Variants in ADAMTS9 observed in about 807,000 individuals in gnomAD.
The protein encoded by ADAMTS9 is A disintegrin and metalloproteinase with thrombospondin motifs 9.
Under a neutral mutation model 257.1 loss-of-function variants are expected in ADAMTS9, and 107 were observed. The ratio of observed to expected loss-of-function variants is 0.42; its 90% confidence interval spans 0.36 to 0.49. The LOEUF is 0.49. ADAMTS9 is among the 20% of genes least tolerant of loss of function. The probability of loss-of-function intolerance (pLI) is 0.03; values close to 1 mark genes in which losing one functional copy is unlikely to be tolerated. For synonymous variants in ADAMTS9, 982 were observed against 880.9 expected, an observed-to-expected ratio of 1.11 and a Z score of -2.03; for missense variants, 2,353 against 2,469.1, an observed-to-expected ratio of 0.95 and a Z score of 1.00.
At chr3:64,612,272 G>T (rs977103090) in intron 22 of ADAMTS9, among the ~76,000 whole-genome samples, 53 of 152,066 alleles carry the variant, frequency 3.5e-4, no homozygotes, top group Admixed American at 7.9e-4. Flanking sequence ...TGACAAACAG[G>T]CCTGTCAATT....
At chr3:64,651,290 C>T (rs559074037) in intron 8 of ADAMTS9, 127 bp from the exon 9 acceptor site, 1 of 673,956 alleles carries the variant, frequency 1.5e-6, no homozygotes, top group Non-Finnish European at 2.3e-6. Flanking sequence ...GAACCTGAAC[C>T]CTGGTAAGCA....
intron 3 of ADAMTS9, 42 bp from the exon 4 acceptor site, chr3:64,658,833 T>A (rs1701153249): frequency 6.5e-7 from 1 of 1,547,968 alleles, no homozygotes; most frequent in Non-Finnish European, 8.7e-7. Flanking sequence ...TCAAGCCACA[T>A]CTATTTTATA....
At chr3:64,647,569 A>G (rs188452445) in intron 11 of ADAMTS9, among the ~76,000 whole-genome samples, 106 of 152,342 alleles carry the variant, frequency 7.0e-4, no homozygotes, top group African/African-American at 2.4e-3. Context: ...AAACTGTTCC[A>G]TCAACTTACC....
intron 32 of ADAMTS9, among the ~76,000 whole-genome samples, chr3:64,542,921 T>C (rs1456567477): frequency 6.7e-6 from 1 of 148,432 alleles, no homozygotes; most frequent in East Asian, 2.0e-4. Context: ...CAATAAAAAA[T>C]GATAAAGGGA....
Position 64,595,206 on chromosome 3 carries a change from C to T in ADAMTS9, c.4180-772G>A, listed in dbSNP as rs564588510. ...ACCAATCCTTGGCTGTTCTCTGACT[C>T]CGTCTCCATAGCCCTTTATGACACT... On this transcript the variant is annotated intron_variant, in intron 27 of 39. Transcript: ENST00000498707. 3.3e-5 allele frequency among the ~76,000 whole-genome samples: 5 copies of T among 152,304 alleles called. No individual in the cohort carries two copies. In the South Asian group the frequency reaches 1.0e-3, roughly 32 times the overall value.
At chr3:64,562,105 TC>T (rs2083437165) in intron 29 of ADAMTS9, among the ~76,000 whole-genome samples, 1 of 152,158 alleles carries the variant, frequency 6.6e-6, no homozygotes, top group African/African-American at 2.4e-5. Flanking sequence ...ATGATTTCTA[TC>T]CTGGAGGATT....
rs151064188 is a variant in ADAMTS9, at chr3:64,662,319, G to A, written c.680-3528C>T. ...TTAAACGTATTGAAATTTGTTTTATGTTCTTGCATCTGGTGTGTGCTGGAG... is the reference window on the plus strand; with the variant it reads ...TTAAACGTATTGAAATTTGTTTTATATTCTTGCATCTGGTGTGTGCTGGAG... On this transcript the variant is annotated intron_variant, in intron 3 of 39. Transcript: ENST00000498707. Among the ~76,000 whole-genome samples, 9 of 152,126 alleles carry A rather than the reference G, an allele frequency of 5.9e-5. No homozygotes were observed. In the East Asian group the frequency reaches 1.7e-3, roughly 29 times the overall value.
chr3:64,620,581 C>T (rs1385599247), intron 19 of ADAMTS9, among the ~76,000 whole-genome samples: 8 of 152,174 alleles, frequency 5.3e-5, no homozygotes, highest in Admixed American at 1.3e-4. Flanking sequence ...TTTCCTGCCT[C>T]GGATTTTACA....
chr3:64,542,069 G>T (rs948486780), intron 32 of ADAMTS9, 99 bp from the exon 33 acceptor site: 2 of 1,500,318 alleles, frequency 1.3e-6, no homozygotes, highest in African/African-American at 1.4e-5. Flanking sequence ...TCATGTACAG[G>T]GTGTCACTTC....
intron 26 of ADAMTS9, among the ~76,000 whole-genome samples, chr3:64,597,863 A>G (rs1484711723): frequency 6.6e-6 from 1 of 152,216 alleles, no homozygotes; most frequent in Non-Finnish European, 1.5e-5. Context: ...GTTTGCCTAT[A>G]AAATAATCAT....
chr3:64,574,829 AC>A (rs1300234915), intron 28 of ADAMTS9, among the ~76,000 whole-genome samples: 3 of 152,004 alleles, frequency 2.0e-5, no homozygotes, highest in African/African-American at 7.2e-5. Flanking sequence ...ACCTCTACTT[AC>A]CCATGGCAAC....
chr3:64,544,020 T>A (rs1244921477), intron 32 of ADAMTS9, among the ~76,000 whole-genome samples: 61 of 147,242 alleles, frequency 4.1e-4, no homozygotes, highest in South Asian at 2.0e-3. Context: ...CACAATTGCT[T>A]CAAAGAGAAT....
At chr3:64,529,951 A>G (rs1360305304) in intron 38 of ADAMTS9, among the ~76,000 whole-genome samples, 1 of 150,826 alleles carries the variant, frequency 6.6e-6, no homozygotes. Flanking sequence ...AGCTAAGACT[A>G]CAGGTGCACA....
At chr3:64,525,221 G>A (rs1161088715) in intron 38 of ADAMTS9, among the ~76,000 whole-genome samples, 1 of 152,194 alleles carries the variant, frequency 6.6e-6, no homozygotes, top group Non-Finnish European at 1.5e-5. Flanking sequence ...AAAGGCTGAA[G>A]CTGAATTCTT....
At chr3:64,644,836 C>T (rs937548942) in intron 11 of ADAMTS9, among the ~76,000 whole-genome samples, 1 of 152,152 alleles carries the variant, frequency 6.6e-6, no homozygotes, top group Non-Finnish European at 1.5e-5. Flanking sequence ...TTACTATAAA[C>T]ATTGGAACAA....
intron 30 of ADAMTS9, among the ~76,000 whole-genome samples, chr3:64,555,356 A>G (rs1004731579): frequency 1.4e-4 from 21 of 151,366 alleles, no homozygotes; most frequent in African/African-American, 4.4e-4. Context: ...TACTATGGAG[A>G]CACTTTGTAA....
rs1421783701 is a variant in ADAMTS9 at position 64,533,254 on chromosome 3, T to C, written c.5630A>G (p.Asn1877Ser). 6.2e-7 allele frequency: 1 copy of C among 1,614,076 alleles called. No individual in the cohort carries two copies. Among genetic ancestry groups the C allele is most frequent in the African/African-American group, 1.3e-5 (1 of 75,024 alleles). ...TAAAGACAAGCCGGTTCCATAAAGG[T>C]TGATGCTAAAACGACCCTGGAAAAC... The part of the protein sequence containing the change: ...AKCPQGRFSI[N>S]LYGTGLSLTE... Residue 1877 changes from asparagine to serine, a missense_variant, in exon 38 of 40, where the codon AAC becomes AGC. Physicochemically the swap from Asn to Ser is conservative, Grantham distance 46. Transcript: ENST00000498707.
intron 28 of ADAMTS9, among the ~76,000 whole-genome samples, chr3:64,574,134 C>T (rs532313909): frequency 5.9e-5 from 9 of 152,236 alleles, no homozygotes; most frequent in African/African-American, 2.2e-4. Context: ...ACTCATGGTG[C>T]TAATACTGAA....
chr3:64,541,018 C>A (rs2083113673), intron 36 of ADAMTS9, 77 bp downstream of exon 36: 1 of 1,577,196 alleles, frequency 6.3e-7, no homozygotes, highest in African/African-American at 1.3e-5. Context: ...TCCCTGCTAG[C>A]CAATGTGCAA....
Sources: allele counts gnomAD v4.1 joint callset (sites outside exome capture counted in the v4.1 genomes callset), GRCh38; gene constraint gnomAD v4.1.1; transcripts MANE v1.5; gene names NCBI Gene and HGNC (gene_info 2026-07-23, HGNC 2026-07-21).